The following ZFAND3 variants were observed in gnomAD, a reference collection of about 807,000 sequenced individuals.
ZFAND3 encodes AN1-type zinc finger protein 3.
A neutral mutation model predicts 29.6 loss-of-function variants in ZFAND3; 10 were observed. The observed-to-expected ratio is 0.34, with a 90% confidence interval of 0.21 to 0.57. ZFAND3 has a LOEUF of 0.57. ZFAND3 is among the 20% of genes least tolerant of loss of function. The pLI is 0.86. For missense variants in ZFAND3, 230 were observed against 304.5 expected (o/e 0.76, Z 1.82); for synonymous variants, 128 against 112.6 (o/e 1.14, Z -0.87).
At chr6:38,053,923 G>A (rs1231379157) in intron 2 of ZFAND3, among the ~76,000 whole-genome samples, 1 of 151,786 alleles carries the variant, frequency 6.6e-6, no homozygotes, top group Non-Finnish European at 1.5e-5. Context: ...GAGATGGGAG[G>A]AAGGGCAGAA....
At chr6:37,843,770 C>T in intron 1 of ZFAND3, among the ~76,000 whole-genome samples, 1 of 151,306 alleles carries the variant, frequency 6.6e-6, no homozygotes, top group East Asian at 1.9e-4. Flanking sequence ...TGAGACATTG[C>T]ATATTCTTTT....
intron 2 of ZFAND3, among the ~76,000 whole-genome samples, chr6:38,004,585 A>T (rs1323458723): frequency 1.3e-5 from 2 of 151,772 alleles, no homozygotes; most frequent in Non-Finnish European, 2.9e-5. Flanking sequence ...AGGTCTTCAG[A>T]TTGAACGGTA....
In ZFAND3 at chr6:37,847,717, G is replaced by GAAT. The variant is rs145743660; in HGVS notation, c.71+27703_71+27705dup. Reference sequence around the variant, plus strand: ...CTGTTACATGTAAAGGATGCCTTGGGAATAGGTCAGTAAACTGCCTAGAGC... The same window carrying GAAT: ...CTGTTACATGTAAAGGATGCCTTGGGAATAATAGGTCAGTAAACTGCCTAGAGC... On this transcript the variant is annotated intron_variant, in intron 1 of 5. Transcript: ENST00000287218. Among the ~76,000 whole-genome samples the GAAT allele has an allele frequency of 0.017, 2,590 of 152,174 alleles. 253 individuals are homozygous for GAAT. The East Asian group carries it at 0.28, about 16-fold the overall frequency.
intron 1 of ZFAND3, among the ~76,000 whole-genome samples, chr6:37,837,482 G>A (rs1763989878): frequency 6.6e-6 from 1 of 151,244 alleles, no homozygotes; most frequent in African/African-American, 2.4e-5. Context: ...AGAGACAATG[G>A]GTCCTTTTAA....
chr6:38,064,101 A>G (rs928068965), intron 3 of ZFAND3, among the ~76,000 whole-genome samples: 1 of 152,218 alleles, frequency 6.6e-6, no homozygotes, highest in African/African-American at 2.4e-5. Context: ...CCATCCATTT[A>G]TACCCAATTT....
At chr6:37,896,644 T>TCCTG (rs1405964802) in intron 1 of ZFAND3, among the ~76,000 whole-genome samples, 3 of 149,340 alleles carry the variant, frequency 2.0e-5, no homozygotes, top group African/African-American at 7.4e-5. Context: ...CTTCCTGCCT[T>TCCTG]CCTGCCTGCC....
At chr6:37,862,132 T>C (rs1467793093) in intron 1 of ZFAND3, among the ~76,000 whole-genome samples, 7 of 152,146 alleles carry the variant, frequency 4.6e-5, no homozygotes, top group Admixed American at 3.9e-4. Context: ...GTTTACTTTT[T>C]ATTGAATTTT....
At chr6:37,983,889 A>G (rs913984698) in intron 2 of ZFAND3, among the ~76,000 whole-genome samples, 2 of 152,370 alleles carry the variant, frequency 1.3e-5, no homozygotes, top group Middle Eastern at 3.4e-3. Flanking sequence ...TCACACAACA[A>G]TGAAATTGCA....
chr6:37,988,567 T>C (rs1320327969), intron 2 of ZFAND3, among the ~76,000 whole-genome samples: 2 of 152,238 alleles, frequency 1.3e-5, no homozygotes, highest in Non-Finnish European at 2.9e-5. Flanking sequence ...TTACTGTTTT[T>C]TGTTGTTTTG....
At chr6:38,026,094 A>G (rs2127449351) in intron 2 of ZFAND3, among the ~76,000 whole-genome samples, 1 of 152,354 alleles carries the variant, frequency 6.6e-6, no homozygotes, top group Non-Finnish European at 1.5e-5. Context: ...ATTACTTAAA[A>G]TATAAATTAT....
intron 5 of ZFAND3, among the ~76,000 whole-genome samples, chr6:38,121,789 C>T (rs1765539617): frequency 6.6e-6 from 1 of 152,196 alleles, no homozygotes; most frequent in African/African-American, 2.4e-5. Context: ...ATATACCCAC[C>T]TAGTCAGGGC....
chr6:37,836,945 G>A (rs967319296), intron 1 of ZFAND3, among the ~76,000 whole-genome samples: 2 of 152,064 alleles, frequency 1.3e-5, no homozygotes, highest in Non-Finnish European at 2.9e-5. Flanking sequence ...CTTTTATTTA[G>A]TCTGGACTTC....
chr6:38,128,500 C>T (rs181798477), intron 5 of ZFAND3, among the ~76,000 whole-genome samples: 92 of 152,304 alleles, frequency 6.0e-4, no homozygotes, highest in Admixed American at 9.2e-4. Context: ...CCCTTTCCCC[C>T]TGAGTCTCCA....
intron 1 of ZFAND3, among the ~76,000 whole-genome samples, chr6:37,886,748 A>G (rs547445011): frequency 9.2e-5 from 14 of 152,180 alleles, no homozygotes; most frequent in Non-Finnish European, 1.8e-4. Flanking sequence ...TAATCCTGAT[A>G]CTTTGGGAGG....
chr6:37,829,524 G>C (rs1268035541), intron 1 of ZFAND3, among the ~76,000 whole-genome samples: 19 of 152,242 alleles, frequency 1.2e-4, no homozygotes. Context: ...AATAGAGTGA[G>C]ACTCCGGCTC....
intron 1 of ZFAND3, among the ~76,000 whole-genome samples, chr6:37,910,573 C>T (rs1425961691): frequency 1.3e-5 from 2 of 152,094 alleles, no homozygotes; most frequent in African/African-American, 2.4e-5. Flanking sequence ...CTAATTAACA[C>T]CTCACACACC....
At chr6:38,108,366 G>A (rs1228171522) in intron 4 of ZFAND3, among the ~76,000 whole-genome samples, 1 of 152,160 alleles carries the variant, frequency 6.6e-6, no homozygotes, top group Non-Finnish European at 1.5e-5. Flanking sequence ...ATTCCAAGGT[G>A]AAGTTCCATG....
chr6:38,053,483 A>G (rs1764070341), intron 2 of ZFAND3, among the ~76,000 whole-genome samples: 1 of 152,150 alleles, frequency 6.6e-6, no homozygotes, highest in South Asian at 2.1e-4. Context: ...TGGAAGTTCG[A>G]GACCAGCTTG....
intron 4 of ZFAND3, among the ~76,000 whole-genome samples, chr6:38,105,001 T>C (rs1765179610): frequency 6.6e-6 from 1 of 152,246 alleles, no homozygotes; most frequent in African/African-American, 2.4e-5. Context: ...TTCACTTATT[T>C]GTTGTGTGAC....
Sources: gnomAD v4.1 joint callset for allele counts (sites outside exome capture counted in the v4.1 genomes callset) on GRCh38, gnomAD v4.1.1 for gene constraint, MANE v1.5 for transcripts, NCBI Gene and HGNC (gene_info 2026-07-23, HGNC 2026-07-21) for gene names.